Variants in FXR1 observed in about 807,000 individuals in gnomAD.
The protein encoded by FXR1 is RNA-binding protein FXR1.
FXR1 carries 15 observed loss-of-function variants against 84.0 expected under a neutral mutation model. The observed-to-expected ratio is 0.18, with a 90% CI of 0.12 to 0.27. The LOEUF is 0.27. Among genes scored for constraint, FXR1 ranks in the 10% least tolerant of loss-of-function variants. The pLI is 1.00. For missense variants in FXR1, 480 were observed against 774.4 expected, an observed-to-expected ratio of 0.62 and a Z score of 4.51; for synonymous variants, 245 against 250.7, an observed-to-expected ratio of 0.98 and a Z score of 0.21.
chr3:180,924,268 T>G (rs967971883), intron 1 of FXR1, among the ~76,000 whole-genome samples: 1 of 152,128 alleles, frequency 6.6e-6, no homozygotes, highest in Admixed American at 6.5e-5. Context: ...GAGTTTCTTA[T>G]CTGAACTATA....
At chr3:180,961,965 G>A (rs1324477902) in intron 11 of FXR1, among the ~76,000 whole-genome samples, 1 of 152,060 alleles carries the variant, frequency 6.6e-6, no homozygotes, top group Non-Finnish European at 1.5e-5. Flanking sequence ...GGGCTTCCTT[G>A]GTAACTTTGG....
At chr3:180,927,623 T>C (rs949128349) in intron 1 of FXR1, 6 of 586,674 alleles carry the variant, frequency 1.0e-5, no homozygotes, top group African/African-American at 7.9e-5. Flanking sequence ...TAAGCAGATA[T>C]CCTGTGTACT....
intron 15 of FXR1, among the ~76,000 whole-genome samples, chr3:180,972,969 A>G (rs1713771733): frequency 6.6e-6 from 1 of 152,180 alleles, no homozygotes. Flanking sequence ...TCTGCTCAAA[A>G]TTTCTTGTTG....
At chr3:180,949,822 TG>T (rs1444301631) in intron 7 of FXR1, among the ~76,000 whole-genome samples, 1 of 152,246 alleles carries the variant, frequency 6.6e-6, no homozygotes. Context: ...GCCTTTCCTT[TG>T]CGAAATGCCT....
At chr3:180,926,515 T>TC (rs1719241721) in intron 1 of FXR1, among the ~76,000 whole-genome samples, 2 of 144,020 alleles carry the variant, frequency 1.4e-5, no homozygotes, top group East Asian at 2.0e-4. Context: ...TATTTTTTTT[T>TC]CTGGCCTTTT....
intron 1 of FXR1, among the ~76,000 whole-genome samples, chr3:180,926,502 A>ATTTTTTT (rs200360717): frequency 1.4e-4 from 7 of 48,958 alleles, no homozygotes; most frequent in African/African-American, 6.6e-4. Flanking sequence ...ATATATATAT[A>ATTTTTTT]TATATTTTTT....
chr3:180,955,354 A>G (rs12631083), intron 9 of FXR1, among the ~76,000 whole-genome samples: 3 of 152,242 alleles, frequency 2.0e-5, no homozygotes, highest in South Asian at 2.1e-4. Context: ...ATTACTGCCA[A>G]TTGTGTAAGC....
At chr3:180,964,292 T>C (rs1350342931) in intron 13 of FXR1, among the ~76,000 whole-genome samples, 3 of 152,224 alleles carry the variant, frequency 2.0e-5, no homozygotes, top group Non-Finnish European at 4.4e-5. Flanking sequence ...AAATCAAATA[T>C]ATTCTCATTG....
chr3:180,940,008 T>C (rs530497752), intron 3 of FXR1, among the ~76,000 whole-genome samples: 2 of 152,320 alleles, frequency 1.3e-5, no homozygotes, highest in South Asian at 2.1e-4. Context: ...ATTAAAAATA[T>C]ATTGGTTGCT....
At chr3:180,931,023 C>A (rs1160278971) in intron 1 of FXR1, among the ~76,000 whole-genome samples, 1 of 43,676 alleles carries the variant, frequency 2.3e-5, no homozygotes, top group Non-Finnish European at 3.7e-5. Context: ...AGCGAGACTG[C>A]CTCAAAAAAA....
intron 14 of FXR1, among the ~76,000 whole-genome samples, chr3:180,969,575 T>C (rs1294580669): frequency 1.3e-5 from 2 of 152,220 alleles, no homozygotes; most frequent in Non-Finnish European, 2.9e-5. Context: ...TCATAACCAG[T>C]TAGAAGTTCA....
At chr3:180,925,138 G>A (rs950716607) in intron 1 of FXR1, among the ~76,000 whole-genome samples, 3 of 152,118 alleles carry the variant, frequency 2.0e-5, no homozygotes, top group East Asian at 3.9e-4. Flanking sequence ...TGAGGTGGGT[G>A]GATCACGAGG....
intron 10 of FXR1, among the ~76,000 whole-genome samples, chr3:180,958,727 G>C (rs1350800980): frequency 2.0e-5 from 3 of 151,674 alleles, no homozygotes; most frequent in African/African-American, 7.3e-5. Context: ...CTATTTTATA[G>C]AATCTGAAAG....
intron 3 of FXR1, among the ~76,000 whole-genome samples, chr3:180,938,209 A>G (rs1720739587): frequency 6.6e-6 from 1 of 152,238 alleles, no homozygotes; most frequent in African/African-American, 2.4e-5. Context: ...GTCTGGTAGT[A>G]TAATTCCTAA....
intron 9 of FXR1, among the ~76,000 whole-genome samples, chr3:180,955,570 T>A (rs1722669932): frequency 6.6e-6 from 1 of 152,216 alleles, no homozygotes; most frequent in Non-Finnish European, 1.5e-5. Flanking sequence ...GCTGCCTTTT[T>A]AAAGAAATCG....
At chr3:180,932,437 C>T (rs1158364873) in intron 1 of FXR1, among the ~76,000 whole-genome samples, 2 of 152,110 alleles carry the variant, frequency 1.3e-5, no homozygotes, top group African/African-American at 4.8e-5. Flanking sequence ...TATATAAGTG[C>T]CAAGGACTGC....
intron 1 of FXR1, among the ~76,000 whole-genome samples, chr3:180,918,560 T>G (rs1365720730): frequency 6.6e-6 from 1 of 152,178 alleles, no homozygotes; most frequent in Non-Finnish European, 1.5e-5. Flanking sequence ...GTGTTTAAGG[T>G]TGTCAAATTA....
In FXR1 at chr3:180,976,093, A is replaced by T. The variant is rs1475599446; in HGVS notation, c.1696-29A>T. 8 of 1,557,806 alleles carry T rather than the reference A, an allele frequency of 5.1e-6. No homozygotes were observed. The African/African-American group carries it at 5.5e-5, about 11-fold the overall frequency. Reference sequence around the variant, plus strand: ...TCAGCTATAGATTTCATTTATAAAGAAGTTGAAAAAGTTGTCTCCCTTTGG... The same window carrying T: ...TCAGCTATAGATTTCATTTATAAAGTAGTTGAAAAAGTTGTCTCCCTTTGG... On this transcript the variant is annotated intron_variant, in intron 16 of 16. Coordinates refer to ENST00000357559, the MANE Select transcript of FXR1 (RefSeq NM_005087.4).
At chr3:180,927,741 A>G (rs1376124604) in intron 1 of FXR1, 3 of 441,178 alleles carry the variant, frequency 6.8e-6, no homozygotes, top group African/African-American at 4.1e-5. Context: ...CGAAGTTCAG[A>G]ACAAATTGTA....
Sources: allele counts gnomAD v4.1 joint callset (sites outside exome capture counted in the v4.1 genomes callset), GRCh38; gene constraint gnomAD v4.1.1; transcripts MANE v1.5; gene names NCBI Gene and HGNC (gene_info 2026-07-23, HGNC 2026-07-21).